The following HADH variants were observed in gnomAD, a reference collection of about 807,000 sequenced individuals.
The protein encoded by HADH is hydroxyacyl-coenzyme A dehydrogenase, mitochondrial.
In HADH, 24 loss-of-function variants were observed where a neutral mutation model predicts 32.2. That is an observed-to-expected ratio of 0.75 (90% confidence interval 0.54 to 1.05). The LOEUF (loss-of-function observed/expected upper bound fraction) is 1.05, where lower values mean the gene tolerates loss of function less well. Ranked by LOEUF, HADH falls within the 50% of genes least tolerant of loss-of-function variation. The probability of loss-of-function intolerance (pLI) is 0.00; values close to 1 mark genes in which losing one functional copy is unlikely to be tolerated. For missense variants in HADH, 350 were observed against 397.1 expected (o/e 0.88, Z 1.01); for synonymous variants, 139 against 152.5 (o/e 0.91, Z 0.65).
intron 1 of HADH, chr4:108,004,380 G>A (rs1296602871): frequency 3.2e-6 from 1 of 316,378 alleles, no homozygotes; most frequent in Non-Finnish European, 6.1e-6. Context: ...GAGAAGCCAA[G>A]TGTTTTTGTC....
At chr4:107,990,515 G>T (rs938974821) in intron 1 of HADH, among the ~76,000 whole-genome samples, 1 of 152,176 alleles carries the variant, frequency 6.6e-6, no homozygotes, top group Admixed American at 6.5e-5. Context: ...CTGTAATTGT[G>T]CAGTCTTTGT....
At chr4:108,032,305 C>T (rs1560740777) in intron 6 of HADH, 1 of 1,533,256 alleles carries the variant, frequency 6.5e-7, no homozygotes, top group Non-Finnish European at 9.0e-7. Context: ...CACATTGATC[C>T]TTGTCGTAGT....
intron 6 of HADH, 165 bp from the exon 7 acceptor site, chr4:108,033,011 G>T: frequency 1.4e-6 from 1 of 692,776 alleles, no homozygotes; most frequent in East Asian, 2.6e-5. Flanking sequence ...GACCTCTTTG[G>T]CATGTACTTT....
Position 108,009,777 on chromosome 4 carries a change from C to T in HADH, c.151C>T (p.His51Tyr). ...GCTCTAGGTTGCTGCAGCAACTGGT[C>T]ACACAGTAGTGTTGGTAGACCAGAC... is the stretch of plus-strand genomic sequence containing the variant. ...GIAQVAAATG[H>Y]TVVLVDQTED... The change falls in exon 2 of 8, where the codon CAC (histidine) becomes TAC (tyrosine). Residue 51 changes from histidine to tyrosine, a missense_variant. His to Tyr is a moderately conservative substitution (Grantham distance 83). Coordinates refer to ENST00000309522, the MANE Select transcript of HADH (RefSeq NM_005327.7). The T allele has an allele frequency of 3.7e-6, 6 of 1,613,014 alleles. No individual in the cohort carries two copies. Among genetic ancestry groups the T allele is most frequent in the Non-Finnish European group, 5.1e-6 (6 of 1,179,104 alleles).
chr4:108,020,566 A>G (rs1578259210), intron 4 of HADH, among the ~76,000 whole-genome samples: 2 of 152,284 alleles, frequency 1.3e-5, no homozygotes, highest in Admixed American at 1.3e-4. Context: ...GGAGGCAGGG[A>G]GGGCTTCCCC....
intron 1 of HADH, among the ~76,000 whole-genome samples, chr4:107,996,517 T>G (rs896858138): frequency 6.6e-6 from 1 of 151,758 alleles, no homozygotes; most frequent in Non-Finnish European, 1.5e-5. Context: ...GGCGCACACT[T>G]TCTTTGCCTT....
Position 107,989,904 on chromosome 4 carries a change from CT to C in HADH, c.-28del. The C allele has an allele frequency of 6.2e-7, 1 of 1,608,088 alleles. No individual in the cohort carries two copies. The highest frequency in any genetic ancestry group is 8.5e-7 in the Non-Finnish European group (1 of 1,178,268). ...CCTCGCGCGTCTTCCCTGCCCGGGT[CT>C]CCTCGCTGTCGCCGCCGCTGCCACA... On this transcript the variant is annotated 5_prime_UTR_variant, in exon 1 of 8. Coordinates refer to ENST00000309522, the MANE Select transcript of HADH (RefSeq NM_005327.7).
At chr4:108,011,652 G>A (rs1292209530) in intron 2 of HADH, among the ~76,000 whole-genome samples, 3 of 152,138 alleles carry the variant, frequency 2.0e-5, no homozygotes, top group Non-Finnish European at 4.4e-5. Context: ...AATTCTTTGG[G>A]TTATATACCT....
chr4:107,993,173 C>T (rs917884883), intron 1 of HADH, among the ~76,000 whole-genome samples: 1 of 152,116 alleles, frequency 6.6e-6, no homozygotes, highest in Non-Finnish European at 1.5e-5. Flanking sequence ...TGTCCTTTTG[C>T]CCTTTTCCCC....
At chr4:108,003,826 A>ATT (rs1560725080) in intron 1 of HADH, among the ~76,000 whole-genome samples, 1 of 149,984 alleles carries the variant, frequency 6.7e-6, no homozygotes, top group Admixed American at 6.6e-5. Context: ...AAAAAAAAAA[A>ATT]CAAAAAAAAA....
At chr4:108,010,615 T>TCA (rs1735450974) in intron 2 of HADH, among the ~76,000 whole-genome samples, 1 of 152,228 alleles carries the variant, frequency 6.6e-6, no homozygotes, top group Non-Finnish European at 1.5e-5. Flanking sequence ...GTTTCTCACT[T>TCA]CAAGTATCCA....
At chr4:107,997,173 T>C (rs1001942573) in intron 1 of HADH, among the ~76,000 whole-genome samples, 1 of 152,212 alleles carries the variant, frequency 6.6e-6, no homozygotes, top group Non-Finnish European at 1.5e-5. Context: ...ACAGTTGGCC[T>C]CAGGGAGCTC....
chr4:108,023,664 G>A, intron 5 of HADH, 101 bp downstream of exon 5: 2 of 805,716 alleles, frequency 2.5e-6, no homozygotes, highest in East Asian at 2.5e-5. Context: ...GAAAGAAGGA[G>A]CATTGTATAC....
intron 1 of HADH, chr4:108,005,370 G>GT (rs1735261214): frequency 6.3e-6 from 1 of 159,756 alleles, no homozygotes; most frequent in African/African-American, 2.4e-5. Context: ...ACATTTTGCC[G>GT]TAAGTTGAAG....
Position 107,989,985 on chromosome 4 carries a change from C to A in HADH, c.53C>A (p.Ala18Asp), listed in dbSNP as rs1414869769. The A allele has an allele frequency of 5.0e-6, 8 of 1,612,310 alleles. No individual in the cohort carries two copies. Among genetic ancestry groups the A allele is most frequent in the Non-Finnish European group, 5.9e-6 (7 of 1,179,420 alleles). The change falls in exon 1 of 8, where the codon GCC (alanine) becomes GAC (aspartate). Residue 18 changes from alanine (A) to aspartate (D), a missense_variant. Coordinates refer to ENST00000309522, the MANE Select transcript of HADH (RefSeq NM_005327.7). The stretch of plus-strand genomic sequence containing the variant: ...CGTTCCGTGTCCTCCTCGTCCACCG[C>A]CTCGGCCTCGGCCAAGAAGATAATC... ...FMRSVSSSST[A>D]SASAKKIIVK...
At chr4:107,995,997 C>T (rs981453452) in intron 1 of HADH, among the ~76,000 whole-genome samples, 1 of 152,212 alleles carries the variant, frequency 6.6e-6, no homozygotes, top group Non-Finnish European at 1.5e-5. Flanking sequence ...ATTATTTCCC[C>T]TCCAGCTTTT....
At chr4:108,016,018 A>C (rs901938128) in intron 3 of HADH, among the ~76,000 whole-genome samples, 2 of 152,030 alleles carry the variant, frequency 1.3e-5, no homozygotes, top group Admixed American at 1.3e-4. Context: ...GACAGAGAGG[A>C]CTTTCCTGTT....
chr4:107,994,757 G>C (rs1301642028), intron 1 of HADH, among the ~76,000 whole-genome samples: 1 of 152,110 alleles, frequency 6.6e-6, no homozygotes, highest in Non-Finnish European at 1.5e-5. Flanking sequence ...CCGAGTTGTT[G>C]CTTATCTTTG....
At chr4:107,991,296 T>C (rs1023829865) in intron 1 of HADH, among the ~76,000 whole-genome samples, 3 of 152,366 alleles carry the variant, frequency 2.0e-5, no homozygotes, top group Non-Finnish European at 4.4e-5. Context: ...CTAATTTTTC[T>C]TGGGGACAGT....
Sources: gnomAD v4.1 joint callset for allele counts (sites outside exome capture counted in the v4.1 genomes callset) on GRCh38, gnomAD v4.1.1 for gene constraint, MANE v1.5 for transcripts, NCBI Gene and HGNC (gene_info 2026-07-23, HGNC 2026-07-21) for gene names.